The following NRXN3 variants were observed in gnomAD, a reference collection of about 807,000 sequenced individuals.
NRXN3 encodes the protein neurexin 3.
Under a neutral mutation model 137.6 loss-of-function variants are expected in NRXN3, and 32 were observed. The observed-to-expected ratio is 0.23, with a 90% confidence interval of 0.18 to 0.31. The LOEUF is 0.31. Among genes scored for constraint, NRXN3 ranks in the 10% least tolerant of loss-of-function variants. The probability of loss-of-function intolerance (pLI) is 1.00; values close to 1 mark genes in which losing one functional copy is unlikely to be tolerated. For missense variants in NRXN3, 1,574 were observed against 2,062.5 expected, an observed-to-expected ratio of 0.76 and a Z score of 4.59; for synonymous variants, 798 against 784.5, an observed-to-expected ratio of 1.02 and a Z score of -0.29.
intron 15 of NRXN3, among the ~76,000 whole-genome samples, chr14:79,295,138 A>T (rs775707923): frequency 6.6e-6 from 1 of 151,940 alleles, no homozygotes; most frequent in Non-Finnish European, 1.5e-5. Flanking sequence ...ACCTCCTAAC[A>T]TATTTGACTA....
At chr14:79,338,207 G>T (rs1176725799) in intron 15 of NRXN3, among the ~76,000 whole-genome samples, 1 of 129,050 alleles carries the variant, frequency 7.7e-6, no homozygotes, top group Non-Finnish European at 1.6e-5. Context: ...GTGTGTGTGT[G>T]TGTGTATGTG....
chr14:79,661,594 A>C (rs1289739339), intron 16 of NRXN3: 29 of 152,164 alleles, frequency 1.9e-4, no homozygotes, highest in Admixed American at 1.9e-3. Flanking sequence ...CTTTAGGTGT[A>C]GTAGGTGCTT....
chr14:79,005,817 T>TCACA (rs2099551376), intron 15 of NRXN3, among the ~76,000 whole-genome samples: 3 of 152,160 alleles, frequency 2.0e-5, no homozygotes, highest in Non-Finnish European at 2.9e-5. Flanking sequence ...ATGTGATTAT[T>TCACA]TTACTTGTAC....
chr14:78,212,866 T>C (rs182097811), intron 1 of NRXN3, among the ~76,000 whole-genome samples: 3 of 152,230 alleles, frequency 2.0e-5, no homozygotes, highest in African/African-American at 7.2e-5. Context: ...AAATCTTACA[T>C]AGAATCTCAA....
At chr14:78,647,335 G>A (rs1032633926) in intron 5 of NRXN3, among the ~76,000 whole-genome samples, 14 of 152,178 alleles carry the variant, frequency 9.2e-5, no homozygotes, top group Admixed American at 3.9e-4. Context: ...CTGTGCCCTT[G>A]GGCAAGCCAT....
intron 16 of NRXN3, among the ~76,000 whole-genome samples, chr14:79,544,056 A>T (rs1460180746): frequency 2.0e-5 from 3 of 152,338 alleles, no homozygotes. Context: ...CATCCCCAAC[A>T]GTGAAAATAA....
intron 4 of NRXN3, among the ~76,000 whole-genome samples, chr14:78,544,217 G>A (rs1257320964): frequency 1.3e-5 from 2 of 152,204 alleles, no homozygotes; most frequent in Non-Finnish European, 2.9e-5. Flanking sequence ...GCAGCAGCTG[G>A]CATGCAAAAG....
chr14:79,626,468 A>G (rs1219388339), intron 16 of NRXN3, among the ~76,000 whole-genome samples: 2 of 151,598 alleles, frequency 1.3e-5, no homozygotes, highest in Non-Finnish European at 2.9e-5. Context: ...CTAATACTCA[A>G]TGTAGTTTTA....
chr14:79,206,917 C>A (rs1365226941), intron 15 of NRXN3, among the ~76,000 whole-genome samples: 1 of 152,134 alleles, frequency 6.6e-6, no homozygotes, highest in East Asian at 1.9e-4. Flanking sequence ...TATTCATTCA[C>A]ATGTTTAGTA....
chr14:78,930,988 T>C (rs556153569), intron 10 of NRXN3, among the ~76,000 whole-genome samples: 2 of 152,316 alleles, frequency 1.3e-5, no homozygotes, highest in African/African-American at 4.8e-5. Flanking sequence ...AAGAAAATGA[T>C]AGAGGCATCT....
chr14:79,853,221 A>G (rs781240542), intron 20 of NRXN3, among the ~76,000 whole-genome samples: 12 of 152,112 alleles, frequency 7.9e-5, no homozygotes, highest in Non-Finnish European at 1.5e-4. Context: ...CCCACTCTAG[A>G]TGGGGCTGTG....
chr14:79,372,688 G>A (rs964562715), intron 15 of NRXN3, among the ~76,000 whole-genome samples: 5 of 152,056 alleles, frequency 3.3e-5, no homozygotes, highest in African/African-American at 1.2e-4. Context: ...GTGCATGTGT[G>A]AATGTGTGAA....
chr14:79,797,958 G>T (rs183718390), intron 19 of NRXN3, among the ~76,000 whole-genome samples: 510 of 152,086 alleles, frequency 3.4e-3, no homozygotes, highest in Middle Eastern at 0.024. Context: ...AAATTATTCA[G>T]GTGTGGTGGC....
At chr14:79,055,513 CA>C (rs2099657872) in intron 15 of NRXN3, among the ~76,000 whole-genome samples, 1 of 152,054 alleles carries the variant, frequency 6.6e-6, no homozygotes, top group Non-Finnish European at 1.5e-5. Flanking sequence ...GAAACATTGG[CA>C]AATGAAGAAA....
intron 1 of NRXN3, among the ~76,000 whole-genome samples, chr14:78,223,678 G>A (rs999263232): frequency 6.6e-6 from 1 of 152,102 alleles, no homozygotes; most frequent in African/African-American, 2.4e-5. Flanking sequence ...AGGATTTGAA[G>A]CATCCAAGAT....
At chr14:79,121,209 T>C (rs1392646462) in intron 15 of NRXN3, among the ~76,000 whole-genome samples, 1 of 152,244 alleles carries the variant, frequency 6.6e-6, no homozygotes, top group Non-Finnish European at 1.5e-5. Context: ...CAGGACTATA[T>C]TCCATGTGGC....
intron 15 of NRXN3, among the ~76,000 whole-genome samples, chr14:79,360,593 G>A (rs2093649692): frequency 6.6e-6 from 1 of 152,206 alleles, no homozygotes; most frequent in African/African-American, 2.4e-5. Context: ...AATAGCTCGT[G>A]CCTTAAGACG....
At chr14:79,403,438 C>T (rs1015527526) in intron 15 of NRXN3, among the ~76,000 whole-genome samples, 1 of 152,134 alleles carries the variant, frequency 6.6e-6, no homozygotes, top group African/African-American at 2.4e-5. Context: ...AAGAGCAGGA[C>T]CTCCAGTGGA....
intron 16 of NRXN3, among the ~76,000 whole-genome samples, chr14:79,591,809 A>C (rs1372440566): frequency 1.3e-5 from 2 of 152,278 alleles, no homozygotes; most frequent in Middle Eastern, 3.4e-3. Context: ...TTTCTGTAGA[A>C]ATTAACTATT....
Sources: allele counts gnomAD v4.1 joint callset (sites outside exome capture counted in the v4.1 genomes callset), GRCh38; gene constraint gnomAD v4.1.1; transcripts MANE v1.5; gene names NCBI Gene and HGNC (gene_info 2026-07-23, HGNC 2026-07-21).